ELK3: variants seen among roughly 807,000 people sequenced by gnomAD.
ELK3 encodes the protein ETS transcription factor ELK3.
ELK3 carries 10 observed loss-of-function variants against 28.9 expected under a neutral mutation model. That is an observed-to-expected ratio of 0.35 (90% confidence interval 0.21 to 0.59). ELK3 has a LOEUF of 0.59. Among genes scored for constraint, ELK3 ranks in the 20% least tolerant of loss-of-function variants. The pLI, the probability that ELK3 is intolerant of heterozygous loss-of-function variation, is 0.82. For missense variants in ELK3, 463 were observed against 517.3 expected (o/e 0.90, Z 1.02); for synonymous variants, 272 against 243.5 (o/e 1.12, Z -1.09).
intron 1 of ELK3, among the ~76,000 whole-genome samples, chr12:96,215,629 CTTTTTTT>C (rs10611662): frequency 5.2e-5 from 7 of 133,524 alleles, no homozygotes; most frequent in Non-Finnish European, 1.1e-4. Flanking sequence ...GACATAAAAC[CTTTTTTT>C]TTTTTTTTTT....
chr12:96,253,943 T>C (rs544827861), intron 3 of ELK3, among the ~76,000 whole-genome samples: 2 of 152,362 alleles, frequency 1.3e-5, no homozygotes, highest in South Asian at 2.1e-4. Flanking sequence ...CGGGGCAATA[T>C]ATAACATAGG....
chr12:96,216,228 A>ACT (rs2137009301), intron 1 of ELK3, among the ~76,000 whole-genome samples: 1 of 151,640 alleles, frequency 6.6e-6, no homozygotes, highest in South Asian at 2.1e-4. Flanking sequence ...CATGTACTTG[A>ACT]CTCTCCTTCC....
At chr12:96,232,368 A>C (rs1300821374) in intron 2 of ELK3, among the ~76,000 whole-genome samples, 1 of 151,910 alleles carries the variant, frequency 6.6e-6, no homozygotes, top group Non-Finnish European at 1.5e-5. Flanking sequence ...CAGGAGATCG[A>C]GACCATTCCG....
At position 96,264,186 on chromosome 12, in the gene ELK3, T is replaced by A. The variant is rs1056954973; in HGVS notation, c.1126-2896T>A. Among the ~76,000 whole-genome samples the A allele has an allele frequency of 2.0e-5, 3 of 152,278 alleles. No homozygotes were observed. The South Asian group carries it at 6.2e-4, about 32-fold the overall frequency. On this transcript the variant is annotated intron_variant, in intron 4 of 4. Coordinates refer to ENST00000228741, the MANE Select transcript of ELK3 (RefSeq NM_005230.4). ...TTTTTGTAGAAACGAGGTCTCACTA[T>A]ATTGCTCAGGCTGGTTTTGAACTCC...
chr12:96,258,688 T>G (rs752435389), intron 3 of ELK3, among the ~76,000 whole-genome samples: 8 of 152,178 alleles, frequency 5.3e-5, no homozygotes, highest in Non-Finnish European at 8.8e-5. Context: ...CATGCAGACT[T>G]AGCAGCTGGG....
chr12:96,221,827 G>A (rs1335922419), intron 1 of ELK3, among the ~76,000 whole-genome samples: 1 of 152,118 alleles, frequency 6.6e-6, no homozygotes, highest in Non-Finnish European at 1.5e-5. Context: ...CCTTTAAAGA[G>A]CCCTAAATAA....
chr12:96,218,228 G>A (rs1592674834), intron 1 of ELK3, among the ~76,000 whole-genome samples: 1 of 152,168 alleles, frequency 6.6e-6, no homozygotes, highest in African/African-American at 2.4e-5. Flanking sequence ...GAGACGGGAA[G>A]GCCCTGCAGG....
intron 4 of ELK3, among the ~76,000 whole-genome samples, chr12:96,262,315 G>A (rs549873974): frequency 1.0e-3 from 156 of 152,248 alleles, no homozygotes; most frequent in African/African-American, 3.3e-3. Context: ...CACCGTGCCT[G>A]GCCCAAAAAC....
At chr12:96,204,835 C>T (rs1032330935) in intron 1 of ELK3, among the ~76,000 whole-genome samples, 5 of 152,222 alleles carry the variant, frequency 3.3e-5, no homozygotes, top group East Asian at 1.9e-4. Flanking sequence ...CTGGTTAACG[C>T]TCATTGAACT....
At chr12:96,235,743 G>C (rs1951778414) in intron 2 of ELK3, among the ~76,000 whole-genome samples, 1 of 152,126 alleles carries the variant, frequency 6.6e-6, no homozygotes, top group African/African-American at 2.4e-5. Context: ...AACACAGGAA[G>C]GTCAAGGTCA....
chr12:96,234,961 G>C (rs893035188), intron 2 of ELK3, among the ~76,000 whole-genome samples: 1 of 152,118 alleles, frequency 6.6e-6, no homozygotes, highest in African/African-American at 2.4e-5. Context: ...ACAGGCCCCC[G>C]GTATTTTTTA....
chr12:96,204,892 CTCGCCTTTAGAGGCTCAGATGCAAA>C (rs1413374156), intron 1 of ELK3, among the ~76,000 whole-genome samples: 14 of 152,248 alleles, frequency 9.2e-5, no homozygotes, highest in Admixed American at 9.2e-4. Flanking sequence ...GTTTGGAAGG[CTCGCCTTTAGAGGCTCAGATGCAAA>C]TCCTTGTTGG....
intron 3 of ELK3, among the ~76,000 whole-genome samples, chr12:96,257,394 A>C (rs1057201084): frequency 2.0e-5 from 3 of 152,262 alleles, no homozygotes; most frequent in African/African-American, 7.2e-5. Context: ...AGAAACAAGA[A>C]GGCTACAGTA....
chr12:96,244,238 G>A (rs1951841365), intron 2 of ELK3, among the ~76,000 whole-genome samples: 1 of 151,980 alleles, frequency 6.6e-6, no homozygotes, highest in Admixed American at 6.6e-5. Flanking sequence ...CCTTTTGCTG[G>A]TTGGTGGACA....
At position 96,267,233 on chromosome 12, in the gene ELK3, C is replaced by A. The variant is rs891531766; in HGVS notation, c.*53C>A. 9.2e-6 allele frequency: 14 copies of A among 1,514,594 alleles called. No individual in the cohort carries two copies. In the East Asian group the frequency reaches 3.0e-4, roughly 32 times the overall value. 93.8% of individuals were successfully genotyped at this position (1,514,594 alleles called of 1,614,324 possible). A position where few individuals can be genotyped will look rare whatever the true frequency, so the allele number is the denominator to read the frequency against. ...TTAACTGATGAAACAAATTTGTCCC[C>A]ACGGGCTAGTTTACCTGTGTCGTGA... On this transcript the variant is annotated 3_prime_UTR_variant, in exon 5 of 5. Coordinates refer to ENST00000228741, the MANE Select transcript of ELK3 (RefSeq NM_005230.4).
At chr12:96,219,118 T>G (rs541162788) in intron 1 of ELK3, among the ~76,000 whole-genome samples, 1 of 152,296 alleles carries the variant, frequency 6.6e-6, no homozygotes, top group African/African-American at 2.4e-5. Context: ...TAATAATCTA[T>G]CAAACATAAA....
At chr12:96,262,945 T>C (rs192904985) in intron 4 of ELK3, among the ~76,000 whole-genome samples, 32 of 152,226 alleles carry the variant, frequency 2.1e-4, no homozygotes, top group African/African-American at 6.7e-4. Flanking sequence ...ACCACCACGC[T>C]GGCCAACATC....
intron 1 of ELK3, among the ~76,000 whole-genome samples, chr12:96,218,296 C>T (rs1468368502): frequency 6.6e-6 from 1 of 152,120 alleles, no homozygotes; most frequent in African/African-American, 2.4e-5. Context: ...GAAGGGGGCA[C>T]CTCTTCCTGT....
intron 2 of ELK3, among the ~76,000 whole-genome samples, chr12:96,226,782 T>C (rs999571487): frequency 6.6e-6 from 1 of 151,804 alleles, no homozygotes. Context: ...AAAGTTAGAC[T>C]CTTAATACAG....
Sources: gnomAD v4.1 joint callset for allele counts (sites outside exome capture counted in the v4.1 genomes callset) on GRCh38, gnomAD v4.1.1 for gene constraint, MANE v1.5 for transcripts, NCBI Gene and HGNC (gene_info 2026-07-23, HGNC 2026-07-21) for gene names.